Variants in TMEM117 observed in about 807,000 individuals in gnomAD.
The protein encoded by TMEM117 is transmembrane protein 117.
In TMEM117, 27 loss-of-function variants were observed where a neutral mutation model predicts 52.4. That is an observed-to-expected ratio of 0.51 (90% confidence interval 0.38 to 0.71). TMEM117 has a LOEUF of 0.71. Among genes scored for constraint, TMEM117 ranks in the 30% least tolerant of loss-of-function variants. TMEM117 has a pLI of 0.00. For synonymous variants in TMEM117, 215 were observed against 206.3 expected (o/e 1.04, Z -0.36); for missense variants, 556 against 630.5 (o/e 0.88, Z 1.26).
chr12:44,023,544 G>T (rs1337972904), intron 3 of TMEM117, among the ~76,000 whole-genome samples: 1 of 152,070 alleles, frequency 6.6e-6, no homozygotes, highest in Admixed American at 6.5e-5. Context: ...GTATCTCATT[G>T]TGGTTTTGAT....
At chr12:44,199,469 A>G (rs1474993950) in intron 4 of TMEM117, among the ~76,000 whole-genome samples, 3 of 152,214 alleles carry the variant, frequency 2.0e-5, no homozygotes, top group African/African-American at 4.8e-5. Context: ...GAACCAGTAT[A>G]TGACCACAAT....
chr12:44,276,697 C>T, intron 5 of TMEM117, among the ~76,000 whole-genome samples: 1 of 151,968 alleles, frequency 6.6e-6, no homozygotes, highest in Non-Finnish European at 1.5e-5. Context: ...TTGATTAAGC[C>T]ATTCTGCATT....
At chr12:44,001,180 G>C (rs1036455335) in intron 3 of TMEM117, among the ~76,000 whole-genome samples, 1 of 152,202 alleles carries the variant, frequency 6.6e-6, no homozygotes, top group East Asian at 1.9e-4. Context: ...TATTGGTGCA[G>C]ATTTGCCAAT....
intron 3 of TMEM117, among the ~76,000 whole-genome samples, chr12:43,957,169 G>C (rs2137651583): frequency 6.6e-6 from 1 of 152,152 alleles, no homozygotes; most frequent in African/African-American, 2.4e-5. Flanking sequence ...AGTGGGAGTG[G>C]GAGAGCATTA....
At chr12:43,869,539 C>A (rs1943667855) in intron 2 of TMEM117, among the ~76,000 whole-genome samples, 2 of 152,142 alleles carry the variant, frequency 1.3e-5, no homozygotes, top group South Asian at 4.1e-4. Context: ...TGGGAATATG[C>A]CTTTAAATGT....
intron 5 of TMEM117, among the ~76,000 whole-genome samples, chr12:44,269,706 A>AT (rs1950423497): frequency 6.6e-6 from 1 of 151,992 alleles, no homozygotes; most frequent in Middle Eastern, 3.2e-3. Flanking sequence ...TTATATTTAT[A>AT]TTATGTTATA....
chr12:44,384,408 C>T (rs1407482273), intron 7 of TMEM117, among the ~76,000 whole-genome samples: 2 of 152,126 alleles, frequency 1.3e-5, no homozygotes, highest in Non-Finnish European at 2.9e-5. Context: ...ATCCCTTCCC[C>T]TCTGCACTTC....
chr12:44,005,475 A>T (rs1946179416), intron 3 of TMEM117, among the ~76,000 whole-genome samples: 1 of 152,190 alleles, frequency 6.6e-6, no homozygotes, highest in South Asian at 2.1e-4. Flanking sequence ...TAACATCAGA[A>T]AACAATTCCA....
intron 5 of TMEM117, among the ~76,000 whole-genome samples, chr12:44,276,861 G>C (rs996177843): frequency 6.6e-6 from 1 of 150,658 alleles, no homozygotes; most frequent in Admixed American, 6.6e-5. Flanking sequence ...TTTTTCCTTT[G>C]AGAAGTTCTT....
At chr12:44,192,116 C>T (rs1361014143) in intron 4 of TMEM117, among the ~76,000 whole-genome samples, 1 of 152,078 alleles carries the variant, frequency 6.6e-6, no homozygotes, top group Non-Finnish European at 1.5e-5. Context: ...GATATATACT[C>T]AATCTTAGAG....
chr12:43,986,218 A>G (rs1945844721), intron 3 of TMEM117, among the ~76,000 whole-genome samples: 1 of 152,218 alleles, frequency 6.6e-6, no homozygotes, highest in South Asian at 2.1e-4. Flanking sequence ...TTAAAATGAT[A>G]GAGGTTAAAA....
At chr12:43,858,341 C>A (rs542805524) in intron 2 of TMEM117, among the ~76,000 whole-genome samples, 1 of 152,144 alleles carries the variant, frequency 6.6e-6, no homozygotes, top group Non-Finnish European at 1.5e-5. Context: ...GCCTTAGGAC[C>A]GGATTGTGCT....
At chr12:44,174,029 T>G (rs902257205) in intron 4 of TMEM117, among the ~76,000 whole-genome samples, 13 of 151,856 alleles carry the variant, frequency 8.6e-5, no homozygotes, top group African/African-American at 2.9e-4. Flanking sequence ...TGCTTTTAAC[T>G]TTTTTTTAAA....
intron 6 of TMEM117, among the ~76,000 whole-genome samples, chr12:44,312,878 A>T (rs577253119): frequency 3.2e-4 from 49 of 152,258 alleles, no homozygotes; most frequent in African/African-American, 1.1e-3. Context: ...GCATTTTTTC[A>T]TAAGCTTGTT....
chr12:44,030,650 A>G (rs1245663864), intron 3 of TMEM117, among the ~76,000 whole-genome samples: 3 of 152,220 alleles, frequency 2.0e-5, no homozygotes, highest in African/African-American at 4.8e-5. Flanking sequence ...GTTTTAACCT[A>G]TATATGCCTA....
intron 3 of TMEM117, among the ~76,000 whole-genome samples, chr12:44,094,184 G>T (rs1175044038): frequency 6.6e-6 from 1 of 152,064 alleles, no homozygotes; most frequent in Admixed American, 6.6e-5. Flanking sequence ...CTGAAGAAAG[G>T]GAAGAGAATT....
chr12:44,187,116 T>C (rs1331661819), intron 4 of TMEM117, among the ~76,000 whole-genome samples: 1 of 152,192 alleles, frequency 6.6e-6, no homozygotes, highest in African/African-American at 2.4e-5. Flanking sequence ...CTTGCACAGA[T>C]GGACTCTCAC....
intron 6 of TMEM117, among the ~76,000 whole-genome samples, chr12:44,302,315 C>T (rs57265732): frequency 2.0e-5 from 3 of 152,186 alleles, no homozygotes; most frequent in African/African-American, 7.2e-5. Context: ...CCTCCATGGT[C>T]TGGCCCTGAC....
chr12:43,932,223 A>T (rs572258870), intron 2 of TMEM117, among the ~76,000 whole-genome samples: 80 of 152,014 alleles, frequency 5.3e-4, no homozygotes, highest in African/African-American at 1.9e-3. Flanking sequence ...TTAGGAGTCT[A>T]GATAAAATAG....
Sources: gnomAD v4.1 joint callset for allele counts (sites outside exome capture counted in the v4.1 genomes callset) on GRCh38, gnomAD v4.1.1 for gene constraint, MANE v1.5 for transcripts, NCBI Gene and HGNC (gene_info 2026-07-23, HGNC 2026-07-21) for gene names.